PDK4: variants seen among roughly 807,000 people sequenced by gnomAD.
PDK4 encodes the protein pyruvate dehydrogenase kinase 4, also known as pyruvate dehydrogenase kinase, isozyme 4.
In PDK4, 43 loss-of-function variants were observed where a neutral mutation model predicts 51.7. That is an observed-to-expected ratio of 0.83 (90% CI 0.65 to 1.07). PDK4 has a LOEUF of 1.07. PDK4 is among the 50% of genes least tolerant of loss of function. The pLI is 0.00. For synonymous variants in PDK4, 170 were observed against 176.6 expected, an observed-to-expected ratio of 0.96 and a Z score of 0.30; for missense variants, 498 against 503.5, an observed-to-expected ratio of 0.99 and a Z score of 0.10.
chr7:95,590,738 A>G (rs1228380240), intron 6 of PDK4, among the ~76,000 whole-genome samples: 1 of 152,242 alleles, frequency 6.6e-6, no homozygotes, highest in Non-Finnish European at 1.5e-5. Context: ...CTGTTCCTGT[A>G]TAAATATTAC....
intron 6 of PDK4, among the ~76,000 whole-genome samples, chr7:95,590,233 C>T (rs577711812): frequency 1.2e-4 from 18 of 152,214 alleles, no homozygotes; most frequent in African/African-American, 4.3e-4. Flanking sequence ...GAAAACTGTG[C>T]TTATAGCATA....
chr7:95,586,689 G>A (rs1289837591), intron 10 of PDK4: 2 of 205,484 alleles, frequency 9.7e-6, no homozygotes, highest in African/African-American at 4.6e-5. Flanking sequence ...TAAAAGCACA[G>A]CTACTCTCAT....
In PDK4 at chr7:95,587,532, A is replaced by C. The variant is rs1439131066; in HGVS notation, c.871-4T>G. ...CACCACCTCCTCTGTCTGAAATCTA[A>C]AACAAACAAACAAGTCATCAAAGCC... On this transcript the variant is annotated splice_region_variant and splice_polypyrimidine_tract_variant and intron_variant, in intron 8 of 10. Transcript: ENST00000005178. 1 of 1,532,976 alleles carries C rather than the reference A, an allele frequency of 6.5e-7. No homozygotes were observed. The highest frequency in any genetic ancestry group is 9.0e-7 in the Non-Finnish European group (1 of 1,105,954). The allele number at this position is 1,532,976 out of a possible 1,614,324, so 95.0% of individuals were successfully genotyped here.
In PDK4 at chr7:95,592,757, T is replaced by C; in HGVS notation, c.529+3A>G. 1 of 1,607,156 alleles carries C rather than the reference T, an allele frequency of 6.2e-7. No homozygotes were observed. The highest frequency in any genetic ancestry group is 8.5e-7 in the Non-Finnish European group (1 of 1,175,212). On this transcript the variant is annotated splice_donor_region_variant and intron_variant, in intron 4 of 10. Transcript: ENST00000005178. ...ATACCATGATCATGATGAGCTAACT[T>C]ACTGTGCTGGTTCATCAGCATCCGA...
At chr7:95,587,338 T>G (rs1020652468) in intron 9 of PDK4, 80 bp downstream of exon 9, 71 of 894,528 alleles carry the variant, frequency 7.9e-5, no homozygotes, top group Non-Finnish European at 1.2e-4. Flanking sequence ...GATGAACTTG[T>G]CTAAATAATC....
chr7:95,592,041 A>G lies in PDK4; in HGVS notation c.641T>C (p.Leu214Pro). The G allele has an allele frequency of 6.3e-7, 1 of 1,587,966 alleles. No homozygotes were observed. Among genetic ancestry groups the G allele is most frequent in the Admixed American group, 1.8e-5 (1 of 55,984 alleles). The change falls in exon 6 of 11, where the codon CTC becomes CCC. Residue 214 changes from leucine to proline, a missense_variant. Physicochemically the swap from Leu to Pro is moderately conservative, Grantham distance 98. Coordinates refer to ENST00000005178, the MANE Select transcript of PDK4 (RefSeq NM_002612.4). Reference sequence around the variant, plus strand: ...AGATGATAAATAATACTGATCACAGAGCATCCTTGAACACTCAAAGGCATC... The same window carrying G: ...AGATGATAAATAATACTGATCACAGGGCATCCTTGAACACTCAAAGGCATC... Reference protein sequence around the residue: ...VQDAFECSRMLCDQYYLSSPE... With the variant: ...VQDAFECSRMPCDQYYLSSPE...
In PDK4 at chr7:95,596,463, A is replaced by G; in HGVS notation, c.-170T>C. ...TGGGGTTTGAGGGTGCCGCGGAGTG[A>G]AGAGTCTGGGCAGAGTCGGAGATGC... On this transcript the variant is annotated 5_prime_UTR_variant, in exon 1 of 11. Coordinates refer to ENST00000005178, the MANE Select transcript of PDK4 (RefSeq NM_002612.4). The G allele has an allele frequency of 1.6e-6, 1 of 623,594 alleles. No individual in the cohort carries two copies. The highest frequency in any genetic ancestry group is 2.5e-6 in the Non-Finnish European group (1 of 404,912). The allele number at this position is 623,594 out of a possible 1,614,324, so 38.6% of individuals were successfully genotyped here.
Position 95,587,064 on chromosome 7 carries a change from A to ATCTCC in PDK4, c.1036_1040dup (p.Asp347GlufsTer4), listed in dbSNP as rs1338192928. The stretch of plus-strand genomic sequence containing the variant: ...ATCCTGATAAAGAGTAGAGATTCAG[A>ATCTCC]TCTCCTTGAAAGTACTTTGCATACA... On this transcript the variant is annotated frameshift_variant, in exon 10 of 11. Coordinates refer to ENST00000005178, the MANE Select transcript of PDK4 (RefSeq NM_002612.4). LOFTEE classifies it high-confidence loss of function. 2 of 1,612,666 alleles carry ATCTCC rather than the reference A, an allele frequency of 1.2e-6. No individual in the cohort carries two copies. The highest frequency in any genetic ancestry group is 8.5e-7 in the Non-Finnish European group (1 of 1,178,694).
chr7:95,592,934 T>C lies in PDK4; in HGVS notation c.355A>G (p.Thr119Ala), dbSNP rs749525445. 5.0e-6 allele frequency: 8 copies of C among 1,590,650 alleles called. No individual in the cohort carries two copies. In the Admixed American group the frequency reaches 1.4e-4, roughly 28 times the overall value. ...DQKALSDFVDTLIKVRNRHHN... is the reference protein window; with the variant it reads ...DQKALSDFVDALIKVRNRHHN... Reference sequence around the variant, plus strand: ...TGTCTATTTCGAACTTTGATGAGTGTATCTACAAAGCTAAGCCACAATATT... The same window carrying C: ...TGTCTATTTCGAACTTTGATGAGTGCATCTACAAAGCTAAGCCACAATATT... The change falls in exon 4 of 11, where the codon ACA (threonine) becomes GCA (alanine). Residue 119 changes from threonine (T) to alanine (A), a missense_variant. Transcript: ENST00000005178.
Position 95,596,302 on chromosome 7 carries a change from C to A in PDK4, c.-9G>T, listed in dbSNP as rs973211906. On this transcript the variant is annotated 5_prime_UTR_variant, in exon 1 of 11. Coordinates refer to ENST00000005178, the MANE Select transcript of PDK4 (RefSeq NM_002612.4). ...AAGCGGGCCGCCTTCATCTTGACGCCCACCCGGCCTGGCGGGGACTGTGGC... is the reference window on the plus strand; with the variant it reads ...AAGCGGGCCGCCTTCATCTTGACGCACACCCGGCCTGGCGGGGACTGTGGC... 3.8e-6 allele frequency: 6 copies of A among 1,566,232 alleles called. No individual in the cohort carries two copies. The highest frequency in any genetic ancestry group is 1.2e-5 in the South Asian group (1 of 85,876).
intron 9 of PDK4, 145 bp from the exon 10 acceptor site, chr7:95,587,268 C>A: frequency 1.4e-6 from 1 of 711,976 alleles, no homozygotes. Flanking sequence ...CCTTGTTTCA[C>A]CATTTTTAGC....
Position 95,585,609 on chromosome 7 carries a change from T to G in PDK4, c.*32A>C. On this transcript the variant is annotated 3_prime_UTR_variant, in exon 11 of 11. Coordinates refer to ENST00000005178, the MANE Select transcript of PDK4 (RefSeq NM_002612.4). ...GAAGCAGCACTGGTGTAGACCCACT[T>G]TGATCCCGTAAAGTGTCCTGAGTGT... 3 of 1,577,584 alleles carry G rather than the reference T, an allele frequency of 1.9e-6. No homozygotes were observed. The highest frequency in any genetic ancestry group is 2.6e-6 in the Non-Finnish European group (3 of 1,154,172).
intron 2 of PDK4, 191 bp downstream of exon 2, chr7:95,594,832 A>G (rs1791596080): frequency 2.7e-6 from 1 of 375,304 alleles, no homozygotes; most frequent in Admixed American, 4.5e-5. Flanking sequence ...TCAGGGTAAA[A>G]ATGTCTGTTT....
intron 7 of PDK4, among the ~76,000 whole-genome samples, chr7:95,588,107 AAT>A (rs1312879675): frequency 6.6e-6 from 1 of 152,110 alleles, no homozygotes; most frequent in Non-Finnish European, 1.5e-5. Flanking sequence ...GCTTAATTTA[AAT>A]GTAGAAATTG....
At chr7:95,586,829 C>G in intron 10 of PDK4, 181 bp downstream of exon 10, 1 of 479,662 alleles carries the variant, frequency 2.1e-6, no homozygotes, top group Non-Finnish European at 3.7e-6. Flanking sequence ...CCAGCTTCCT[C>G]TTTGGTAAGT....
intron 1 of PDK4, 101 bp downstream of exon 1, chr7:95,596,063 C>T: frequency 2.4e-6 from 3 of 1,273,156 alleles, no homozygotes; most frequent in South Asian, 1.6e-5. Flanking sequence ...AAGTGAACCC[C>T]AGTTGTTTTA....
At chr7:95,589,408 T>C (rs1584122007) in intron 7 of PDK4, among the ~76,000 whole-genome samples, 1 of 152,222 alleles carries the variant, frequency 6.6e-6, no homozygotes, top group South Asian at 2.1e-4. Flanking sequence ...CTGTAAAGCA[T>C]TGATACATCA....
At chr7:95,589,297 C>T (rs2073982) in intron 7 of PDK4, among the ~76,000 whole-genome samples, 2,518 of 152,214 alleles carry the variant, frequency 0.017, 30 homozygotes, top group Non-Finnish European at 0.027. Context: ...GTAACAAGGC[C>T]TCATTCACTG....
At chr7:95,591,855 CA>C (rs748525927) in intron 6 of PDK4, 132 bp downstream of exon 6, 283 of 553,134 alleles carry the variant, frequency 5.1e-4, no homozygotes, top group South Asian at 8.2e-4. Context: ...ACCTTGTCTT[CA>C]AAAAAAATGT....
Sources: allele counts gnomAD v4.1 joint callset (sites outside exome capture counted in the v4.1 genomes callset), GRCh38; gene constraint gnomAD v4.1.1; transcripts MANE v1.5; gene names NCBI Gene and HGNC (gene_info 2026-07-23, HGNC 2026-07-21).